The following PRELID2 variants were observed in gnomAD, a reference collection of about 807,000 sequenced individuals.
The protein encoded by PRELID2 is PRELI domain containing 2.
A neutral mutation model predicts 28.4 loss-of-function variants in PRELID2; 25 were observed. That is an observed-to-expected ratio of 0.88 (90% CI 0.64 to 1.23). The LOEUF is 1.23. Among genes scored for constraint, PRELID2 ranks in the 50% most tolerant of loss-of-function variants. The pLI, the probability that PRELID2 is intolerant of heterozygous loss-of-function variation, is 0.00. For synonymous variants in PRELID2, 76 were observed against 71.6 expected, an observed-to-expected ratio of 1.06 and a Z score of -0.31; for missense variants, 201 against 214.4, an observed-to-expected ratio of 0.94 and a Z score of 0.39.
At position 145,740,629 on chromosome 5, in the gene PRELID2, A is replaced by T. The variant is rs142693577; in HGVS notation, n.70+24302T>A. On this transcript the variant is annotated intron_variant and non_coding_transcript_variant, in intron 1 of 2. Transcript: ENST00000510259. Reference sequence around the variant, plus strand: ...TTATATATATAAATATATATATATTATATATATAAATATATATATTTTATA... The same window carrying T: ...TTATATATATAAATATATATATATTTTATATATAAATATATATATTTTATA... Among the ~76,000 whole-genome samples, 66 of 8,538 alleles carry T rather than the reference A, an allele frequency of 7.7e-3. 1 individual carries two copies. The South Asian group carries it at 0.12, about 15-fold the overall frequency. The allele number at this position is 8,538 out of a possible 152,430, so 5.6% of individuals were successfully genotyped here.
intron 1 of PRELID2, among the ~76,000 whole-genome samples, chr5:145,522,646 A>T (rs9686473): frequency 0.097 from 14,743 of 152,254 alleles, 785 homozygotes; most frequent in Non-Finnish European, 0.12. Context: ...CTTCACAAAG[A>T]CTTTCATATT....
Position 145,604,881 on chromosome 5 carries a change from C to CTATATATATATATATA in PRELID2, n.71-131567_71-131566insTATATATATATATATA, listed in dbSNP as rs1347559677. ...GACCATATTTTAATATGCTTGTTGG[C>CTATATATATATATATA]CATATATATATATATATATATATTC... On this transcript the variant is annotated intron_variant and non_coding_transcript_variant, in intron 1 of 2. Transcript: ENST00000510259. 3.9e-4 allele frequency among the ~76,000 whole-genome samples: 33 copies of CTATATATATATATATA among 85,678 alleles called. 1 individual carries two copies. The highest frequency in any genetic ancestry group is 1.8e-3 in the African/African-American group (31 of 17,318). The allele number at this position is 85,678 out of a possible 152,430, so 56.2% of individuals were successfully genotyped here. A position where few individuals can be genotyped will look rare whatever the true frequency, so the allele number is the denominator to read the frequency against.
intron 1 of PRELID2, among the ~76,000 whole-genome samples, chr5:145,749,930 CAGAG>C (rs1757085326): frequency 1.3e-5 from 2 of 151,604 alleles, no homozygotes; most frequent in African/African-American, 4.9e-5. Flanking sequence ...CACATGGACA[CAGAG>C]AGGGGAACAA....
At chr5:145,285,829 A>G in the PRELID2 span, among the ~76,000 whole-genome samples, 1 of 152,188 alleles carries the variant, frequency 6.6e-6, no homozygotes, top group Admixed American at 6.5e-5. Context: ...TAAACAATTC[A>G]AGTAAAGGTT....
chr5:145,642,612 T>G (rs888995000), intron 1 of PRELID2, among the ~76,000 whole-genome samples: 1 of 152,238 alleles, frequency 6.6e-6, no homozygotes, highest in African/African-American at 2.4e-5. Flanking sequence ...CTGAATGGTA[T>G]TGCCTAGGTT....
intron 1 of PRELID2, among the ~76,000 whole-genome samples, chr5:145,647,698 G>C (rs113325111): frequency 0.03 from 4,511 of 152,318 alleles, 228 homozygotes; most frequent in African/African-American, 0.1. Context: ...CCTGCTCTGT[G>C]GGTTGCAAAG....
the PRELID2 span, among the ~76,000 whole-genome samples, chr5:145,359,098 C>A: frequency 6.6e-6 from 1 of 152,110 alleles, no homozygotes; most frequent in East Asian, 1.9e-4. Flanking sequence ...TCACATGGAC[C>A]AATCTTTAAC....
At chr5:145,325,645 C>G in the PRELID2 span, among the ~76,000 whole-genome samples, 1 of 152,036 alleles carries the variant, frequency 6.6e-6, no homozygotes, top group Non-Finnish European at 1.5e-5. Flanking sequence ...CATAGTTTAC[C>G]CAAGACCATA....
At chr5:145,603,154 G>T (rs1753423185) in intron 1 of PRELID2, among the ~76,000 whole-genome samples, 2 of 151,706 alleles carry the variant, frequency 1.3e-5, no homozygotes, top group Non-Finnish European at 2.9e-5. Flanking sequence ...TGAAAGAAAA[G>T]AACAGATACT....
chr5:145,705,299 T>C (rs956185750), intron 1 of PRELID2, among the ~76,000 whole-genome samples: 12 of 152,118 alleles, frequency 7.9e-5, no homozygotes, highest in Non-Finnish European at 1.6e-4. Flanking sequence ...CAAGCAATTC[T>C]TCTGCCTCAG....
chr5:145,673,535 T>A (rs1754752940), intron 1 of PRELID2, among the ~76,000 whole-genome samples: 1 of 151,976 alleles, frequency 6.6e-6, no homozygotes, highest in Admixed American at 6.6e-5. Context: ...AGTGAAACAT[T>A]ATTGATGTAC....
At chr5:145,563,448 T>A (rs966288306) in intron 1 of PRELID2, among the ~76,000 whole-genome samples, 1 of 152,196 alleles carries the variant, frequency 6.6e-6, no homozygotes, top group African/African-American at 2.4e-5. Flanking sequence ...TTTTGAACCA[T>A]GTTTCTGTCA....
the PRELID2 span, among the ~76,000 whole-genome samples, chr5:145,412,651 C>T: frequency 6.6e-6 from 1 of 152,158 alleles, no homozygotes; most frequent in African/African-American, 2.4e-5. Context: ...TGCCTGTTAC[C>T]CAGTTCTAAA....
chr5:145,278,704 G>C, the PRELID2 span, among the ~76,000 whole-genome samples: 2 of 152,094 alleles, frequency 1.3e-5, no homozygotes, highest in Non-Finnish European at 1.5e-5. Context: ...ACAATCAAGG[G>C]GAGGGGTCCA....
At chr5:145,667,645 T>C (rs1048131298) in intron 1 of PRELID2, among the ~76,000 whole-genome samples, 3 of 152,108 alleles carry the variant, frequency 2.0e-5, no homozygotes, top group African/African-American at 7.2e-5. Context: ...TTCTCCAGTA[T>C]GGCTTGGGAG....
At chr5:145,653,704 G>C (rs1754340456) in intron 1 of PRELID2, among the ~76,000 whole-genome samples, 1 of 152,146 alleles carries the variant, frequency 6.6e-6, no homozygotes, top group Non-Finnish European at 1.5e-5. Context: ...AAACCAACAA[G>C]AACAAAGACA....
the PRELID2 span, among the ~76,000 whole-genome samples, chr5:145,365,192 T>C: frequency 2.0e-5 from 3 of 152,034 alleles, no homozygotes; most frequent in African/African-American, 4.8e-5. Context: ...GCTTTAATGG[T>C]CTATTGCACA....
chr5:145,406,838 A>T, the PRELID2 span, among the ~76,000 whole-genome samples: 2 of 152,314 alleles, frequency 1.3e-5, no homozygotes, highest in Admixed American at 6.5e-5. Flanking sequence ...GAAAGATTTA[A>T]CCTTACCTAG....
At chr5:145,541,574 G>A (rs138616338) in intron 1 of PRELID2, among the ~76,000 whole-genome samples, 1 of 152,116 alleles carries the variant, frequency 6.6e-6, no homozygotes, top group African/African-American at 2.4e-5. Flanking sequence ...TCAGGGTGTA[G>A]ACTGTTGTAT....
Sources: gnomAD v4.1 joint callset for allele counts (sites outside exome capture counted in the v4.1 genomes callset) on GRCh38, gnomAD v4.1.1 for gene constraint, MANE v1.5 for transcripts, NCBI Gene and HGNC (gene_info 2026-07-23, HGNC 2026-07-21) for gene names.